The following PICALM variants were observed in gnomAD, a reference collection of about 807,000 sequenced individuals.
The protein encoded by PICALM is phosphatidylinositol binding clathrin assembly protein, also known as phosphatidylinositol-binding clathrin assembly protein.
In PICALM, 40 loss-of-function variants were observed where a neutral mutation model predicts 80.5. That is an observed-to-expected ratio of 0.50 (90% confidence interval 0.39 to 0.65). The LOEUF is 0.65. Ranked by LOEUF, PICALM falls within the 30% of genes least tolerant of loss-of-function variation. PICALM has a pLI of 0.00. For missense variants in PICALM, 676 were observed against 778.9 expected, an observed-to-expected ratio of 0.87 and a Z score of 1.57; for synonymous variants, 288 against 260.3, an observed-to-expected ratio of 1.11 and a Z score of -1.02.
intron 14 of PICALM, among the ~76,000 whole-genome samples, chr11:85,983,445 TTAAA>T (rs1239208897): frequency 6.6e-6 from 1 of 152,190 alleles, no homozygotes; most frequent in African/African-American, 2.4e-5. Flanking sequence ...CACAGACTAT[TTAAA>T]CAAGTCAAGG....
intron 1 of PICALM, among the ~76,000 whole-genome samples, chr11:86,038,510 C>T (rs1199503099): frequency 2.6e-5 from 4 of 151,958 alleles, no homozygotes; most frequent in African/African-American, 9.7e-5. Flanking sequence ...TGGCCGGGCA[C>T]GGTGGCTCAC....
At chr11:86,063,741 T>C (rs935200880) in intron 1 of PICALM, among the ~76,000 whole-genome samples, 1 of 152,168 alleles carries the variant, frequency 6.6e-6, no homozygotes, top group Non-Finnish European at 1.5e-5. Context: ...ATTTTCTGTA[T>C]TGCAAAACTA....
At chr11:86,032,008 A>T (rs1052947920) in intron 1 of PICALM, among the ~76,000 whole-genome samples, 2 of 152,160 alleles carry the variant, frequency 1.3e-5, no homozygotes, top group Non-Finnish European at 2.9e-5. Context: ...TCTTTAAATA[A>T]AGCTTATTTA....
chr11:85,998,913 C>T (rs574469696), intron 11 of PICALM, among the ~76,000 whole-genome samples: 52 of 152,322 alleles, frequency 3.4e-4, no homozygotes, highest in African/African-American at 1.3e-3. Context: ...CACACGCCAC[C>T]ACACCCAGCT....
chr11:85,992,284 G>GT lies in PICALM; in HGVS notation c.1259-1886dup, dbSNP rs5793178. Among the ~76,000 whole-genome samples, 418 of 141,606 alleles carry GT rather than the reference G, an allele frequency of 3.0e-3. 2 individuals are homozygous for GT. The highest frequency in any genetic ancestry group is 0.012 in the East Asian group (60 of 4,878). The allele number at this position is 141,606 out of a possible 152,430, so 92.9% of individuals were successfully genotyped here. ...AGGCTGAAAGTTCTGGGTGTGTTTT[G>GT]TTTTTTTTTTTTTTGAGACAGAGTC... On this transcript the variant is annotated intron_variant, in intron 12 of 19. Coordinates refer to ENST00000393346, the MANE Select transcript of PICALM (RefSeq NM_007166.4).
At chr11:85,971,819 G>A (rs1392389796) in intron 19 of PICALM, among the ~76,000 whole-genome samples, 1 of 151,862 alleles carries the variant, frequency 6.6e-6, no homozygotes, top group Non-Finnish European at 1.5e-5. Flanking sequence ...TTTAGCTCTT[G>A]TCGCCCAGCC....
intron 1 of PICALM, among the ~76,000 whole-genome samples, chr11:86,045,756 T>TGTGTGAG (rs1188235075): frequency 2.0e-5 from 3 of 152,196 alleles, no homozygotes; most frequent in African/African-American, 7.2e-5. Flanking sequence ...AGTGTATCTT[T>TGTGTGAG]ATCCTGGCTT....
chr11:85,998,568 G>A (rs1469919652), intron 11 of PICALM, among the ~76,000 whole-genome samples: 4 of 151,896 alleles, frequency 2.6e-5, no homozygotes, highest in African/African-American at 9.7e-5. Flanking sequence ...TGAGGCGTGC[G>A]GACTGCTTGA....
intron 13 of PICALM, among the ~76,000 whole-genome samples, chr11:85,987,664 GTCTTGCA>G (rs1045125903): frequency 1.3e-5 from 2 of 152,302 alleles, no homozygotes; most frequent in Non-Finnish European, 2.9e-5. Flanking sequence ...GAGAGATAGG[GTCTTGCA>G]TGTTGCCGAG....
intron 2 of PICALM, among the ~76,000 whole-genome samples, chr11:86,029,290 T>C (rs1029628646): frequency 7.2e-5 from 11 of 152,148 alleles, no homozygotes; most frequent in Non-Finnish European, 7.4e-5. Flanking sequence ...CACCGCTCCA[T>C]GGTATTCCAA....
At chr11:86,018,906 A>AAG (rs1555093899) in intron 4 of PICALM, among the ~76,000 whole-genome samples, 2 of 150,902 alleles carry the variant, frequency 1.3e-5, no homozygotes, top group Non-Finnish European at 1.5e-5. Context: ...AAAAAGAAAA[A>AAG]AATGAGATGG....
intron 1 of PICALM, among the ~76,000 whole-genome samples, chr11:86,035,415 T>C (rs958917703): frequency 6.6e-6 from 1 of 152,214 alleles, no homozygotes; most frequent in Non-Finnish European, 1.5e-5. Context: ...CTCACTAGGC[T>C]ACATCAAAAC....
intron 1 of PICALM, among the ~76,000 whole-genome samples, chr11:86,056,784 T>A (rs2096276163): frequency 6.6e-6 from 1 of 152,190 alleles, no homozygotes; most frequent in Non-Finnish European, 1.5e-5. Context: ...GTCCACCAAC[T>A]AATGAAGGTA....
intron 1 of PICALM, among the ~76,000 whole-genome samples, chr11:86,035,641 A>C (rs976965844): frequency 2.6e-5 from 4 of 152,134 alleles, no homozygotes; most frequent in African/African-American, 9.7e-5. Flanking sequence ...TTATTCAGTC[A>C]TCTAGAAAAC....
chr11:86,022,273 T>C (rs1170517998), intron 4 of PICALM, 94 bp downstream of exon 4: 2 of 702,716 alleles, frequency 2.8e-6, no homozygotes, highest in African/African-American at 1.9e-5. Context: ...CTTTTAAAAC[T>C]GGCTAAAATT....
chr11:85,975,707 C>T (rs2135574359), intron 18 of PICALM, among the ~76,000 whole-genome samples: 1 of 150,374 alleles, frequency 6.7e-6, no homozygotes, highest in South Asian at 2.1e-4. Context: ...AGCCATTCTC[C>T]TGCCTCAGCC....
At position 85,992,725 on chromosome 11, in the gene PICALM, T is replaced by C. The variant is rs181562591; in HGVS notation, c.1259-2326A>G. On this transcript the variant is annotated intron_variant, in intron 12 of 19. Transcript: ENST00000393346. ...TACGTAATTTTTTAAAGACACATTA[T>C]TTCTGTAACAGATCCATTGGTTTAT... is the stretch of plus-strand genomic sequence containing the variant. 1.3e-3 allele frequency among the ~76,000 whole-genome samples: 200 copies of C among 152,356 alleles called. 1 individual carries two copies. Among genetic ancestry groups the C allele is most frequent in the African/African-American group, 4.7e-3 (195 of 41,590 alleles).
At chr11:86,018,906 A>AG (rs2095522564) in intron 4 of PICALM, among the ~76,000 whole-genome samples, 1 of 150,906 alleles carries the variant, frequency 6.6e-6, no homozygotes, top group Non-Finnish European at 1.5e-5. Context: ...AAAAAGAAAA[A>AG]AATGAGATGG....
intron 19 of PICALM, among the ~76,000 whole-genome samples, chr11:85,970,027 GA>G (rs935198456): frequency 3.3e-5 from 5 of 152,130 alleles, no homozygotes; most frequent in African/African-American, 9.7e-5. Flanking sequence ...GTTATATGAT[GA>G]AAAAGGTAAG....
Sources: allele counts gnomAD v4.1 joint callset (sites outside exome capture counted in the v4.1 genomes callset), GRCh38; gene constraint gnomAD v4.1.1; transcripts MANE v1.5; gene names NCBI Gene and HGNC (gene_info 2026-07-23, HGNC 2026-07-21).